The following UQCC6 variants were observed in gnomAD, a reference collection of about 807,000 sequenced individuals.
The protein encoded by UQCC6 is protein BRAWNIN.
chr12:103,951,774 G>C, the UQCC6 span: 1 of 567,626 alleles, frequency 1.8e-6, no homozygotes, highest in Non-Finnish European at 3.1e-6. Flanking sequence ...ATTATGAGAA[G>C]CTCTGGTTGA....
At chr12:103,959,292 T>G in the UQCC6 span, among the ~76,000 whole-genome samples, 1 of 152,222 alleles carries the variant, frequency 6.6e-6, no homozygotes, top group Admixed American at 6.5e-5. Context: ...ATAAAGCTAC[T>G]ATGACCAGTA....
the UQCC6 span, among the ~76,000 whole-genome samples, chr12:103,962,632 T>C: frequency 6.6e-6 from 1 of 152,332 alleles, no homozygotes; most frequent in African/African-American, 2.4e-5. Context: ...CTCCTTTCCA[T>C]GGTAATGACC....
chr12:103,954,628 A>G, the UQCC6 span: 1 of 327,538 alleles, frequency 3.1e-6, no homozygotes, highest in Admixed American at 5.0e-5. Context: ...ATTGGGGATC[A>G]CATTTCGGCG....
the UQCC6 span, chr12:103,953,612 A>C: frequency 1.4e-6 from 1 of 701,156 alleles, no homozygotes; most frequent in South Asian, 1.5e-5. Context: ...AAGAACATAT[A>C]AATGTTAATA....
chr12:103,956,668 C>T, the UQCC6 span: 4 of 1,551,602 alleles, frequency 2.6e-6, no homozygotes, highest in East Asian at 2.4e-5. Context: ...CACTTCTGCC[C>T]CTGCGCACAT....
At chr12:103,953,629 A>G in the UQCC6 span, 1 of 696,500 alleles carries the variant, frequency 1.4e-6, no homozygotes, top group Non-Finnish European at 2.6e-6. Flanking sequence ...AATAAAGCAC[A>G]CTGCTTTCAA....
chr12:103,958,912 TTAA>T, the UQCC6 span, among the ~76,000 whole-genome samples: 2 of 152,250 alleles, frequency 1.3e-5, no homozygotes, highest in Non-Finnish European at 1.5e-5. Context: ...ACCTCCTTTC[TTAA>T]TGACCCTTGA....
the UQCC6 span, chr12:103,953,289 A>G: frequency 4.3e-6 from 3 of 697,418 alleles, no homozygotes; most frequent in East Asian, 5.4e-5. Context: ...AGTTAATCCA[A>G]TGGGATCTGC....
At chr12:103,961,107 C>T in the UQCC6 span, among the ~76,000 whole-genome samples, 6 of 151,634 alleles carry the variant, frequency 4.0e-5, no homozygotes, top group Non-Finnish European at 8.8e-5. Flanking sequence ...GTGATACTGA[C>T]GATCTTGACC....
At chr12:103,956,797 C>A in the UQCC6 span, 1 of 1,265,574 alleles carries the variant, frequency 7.9e-7, no homozygotes. Context: ...CTCACGACTA[C>A]ACCGCGCCAG....
the UQCC6 span, chr12:103,950,225 T>C: frequency 6.6e-6 from 1 of 152,230 alleles, no homozygotes; most frequent in East Asian, 1.9e-4. Context: ...CCTTTAATTT[T>C]TAATGCATAT....
the UQCC6 span, chr12:103,956,742 C>A: frequency 6.5e-7 from 1 of 1,548,688 alleles, no homozygotes; most frequent in East Asian, 2.4e-5. Context: ...CGGGCATGGT[C>A]GGCAGGCTGG....
the UQCC6 span, among the ~76,000 whole-genome samples, chr12:103,965,248 A>T: frequency 6.6e-6 from 1 of 152,366 alleles, no homozygotes; most frequent in South Asian, 2.1e-4. Context: ...CTGTAAGATT[A>T]CGAACCACTG....
At chr12:103,952,893 G>A in the UQCC6 span, among the ~76,000 whole-genome samples, 1 of 152,308 alleles carries the variant, frequency 6.6e-6, no homozygotes, top group East Asian at 1.9e-4. Context: ...GGAACCACAA[G>A]TGCAGAGGAC....
chr12:103,961,713 C>T, the UQCC6 span, among the ~76,000 whole-genome samples: 36 of 152,010 alleles, frequency 2.4e-4, no homozygotes, highest in Admixed American at 2.0e-4. Context: ...CCCGCCACTA[C>T]GCCCAGCTAA....
At chr12:103,960,674 G>A in the UQCC6 span, among the ~76,000 whole-genome samples, 9,271 of 152,168 alleles carry the variant, frequency 0.061, 474 homozygotes, top group East Asian at 0.22. Flanking sequence ...ACAGTCATAT[G>A]CTGCATAACA....
chr12:103,950,301 A>G, the UQCC6 span: 15 of 148,004 alleles, frequency 1.0e-4, no homozygotes, highest in Non-Finnish European at 1.8e-4. Flanking sequence ...ATGAAGGCAC[A>G]CCCTTCGATC....
the UQCC6 span, chr12:103,957,015 C>G: frequency 2.2e-6 from 1 of 456,032 alleles, no homozygotes; most frequent in African/African-American, 2.0e-5. Context: ...AAAGGGAGCT[C>G]TTGATCAGCA....
the UQCC6 span, among the ~76,000 whole-genome samples, chr12:103,951,928 C>A: frequency 1.3e-5 from 2 of 152,214 alleles, no homozygotes; most frequent in East Asian, 3.8e-4. Context: ...CTTTCCACAT[C>A]TGGAAATTCA....
Sources: gnomAD v4.1 joint callset for allele counts (sites outside exome capture counted in the v4.1 genomes callset) on GRCh38, gnomAD v4.1.1 for gene constraint, MANE v1.5 for transcripts, NCBI Gene and HGNC (gene_info 2026-07-23, HGNC 2026-07-21) for gene names.